The following PRKG1 variants were observed in gnomAD, a reference collection of about 807,000 sequenced individuals.
PRKG1 encodes the protein cGMP-dependent protein kinase 1.
In PRKG1, 35 loss-of-function variants were observed where a neutral mutation model predicts 88.1. The ratio of observed to expected loss-of-function variants is 0.40; its 90% CI spans 0.30 to 0.53. The LOEUF (loss-of-function observed/expected upper bound fraction) is 0.53. Ranked by LOEUF, PRKG1 falls within the 20% of genes least tolerant of loss-of-function variation. The pLI is 0.59. For missense variants in PRKG1, 540 were observed against 839.8 expected (o/e 0.64, Z 4.41); for synonymous variants, 303 against 292.5 (o/e 1.04, Z -0.37).
chr10:51,908,734 A>ATATTTTT (rs563212069), intron 5 of PRKG1: 2 of 52,222 alleles, frequency 3.8e-5, no homozygotes, highest in African/African-American at 1.2e-4. Context: ...TCTATATGTA[A>ATATTTTT]TTTTTTTTTT....
intron 5 of PRKG1, among the ~76,000 whole-genome samples, chr10:51,986,399 T>C (rs1345232896): frequency 1.3e-5 from 2 of 152,126 alleles, no homozygotes; most frequent in Non-Finnish European, 2.9e-5. Context: ...AGATAGTCAC[T>C]TCAAAAAAAA....
At chr10:51,645,862 T>C (rs1008889431) in intron 3 of PRKG1, among the ~76,000 whole-genome samples, 1 of 152,164 alleles carries the variant, frequency 6.6e-6, no homozygotes, top group Non-Finnish European at 1.5e-5. Flanking sequence ...TGAATCTGGA[T>C]ATCCACAACT....
intron 2 of PRKG1, among the ~76,000 whole-genome samples, chr10:51,280,413 GCCT>G (rs1169295906): frequency 2.6e-5 from 4 of 152,094 alleles, no homozygotes; most frequent in Admixed American, 2.6e-4. Context: ...TTGAATGTTG[GCCT>G]GCCTTGCTAG....
intron 1 of PRKG1, among the ~76,000 whole-genome samples, chr10:51,111,212 C>T (rs2131896882): frequency 6.6e-6 from 1 of 152,162 alleles, no homozygotes; most frequent in South Asian, 2.1e-4. Flanking sequence ...ACCATTAAAT[C>T]ATTTAATTAG....
intron 4 of PRKG1, among the ~76,000 whole-genome samples, 184 bp downstream of exon 4, chr10:51,804,874 A>G (rs547486787): frequency 2.4e-4 from 37 of 152,136 alleles, no homozygotes; most frequent in South Asian, 1.0e-3. Flanking sequence ...ATCTGTAGAG[A>G]TGTAAGACTT....
chr10:51,197,266 T>C (rs552825308), intron 2 of PRKG1, among the ~76,000 whole-genome samples: 18 of 152,242 alleles, frequency 1.2e-4, no homozygotes, highest in East Asian at 1.2e-3. Context: ...GTTTATATTT[T>C]ATTTATTTAT....
chr10:51,167,035 G>A (rs891163314), intron 2 of PRKG1, among the ~76,000 whole-genome samples: 4 of 152,120 alleles, frequency 2.6e-5, no homozygotes, highest in African/African-American at 9.7e-5. Context: ...GGACACTGAG[G>A]ACATTACAGT....
At chr10:51,033,721 A>G (rs1843317084) in intron 1 of PRKG1, among the ~76,000 whole-genome samples, 1 of 152,160 alleles carries the variant, frequency 6.6e-6, no homozygotes, top group Non-Finnish European at 1.5e-5. Flanking sequence ...TGTGGAAAAT[A>G]CCTGTCATCC....
intron 2 of PRKG1, among the ~76,000 whole-genome samples, chr10:51,278,218 GT>G (rs1383735613): frequency 6.6e-6 from 1 of 152,120 alleles, no homozygotes; most frequent in Non-Finnish European, 1.5e-5. Flanking sequence ...TAATCATGTG[GT>G]TTTTGTCGTT....
intron 7 of PRKG1, among the ~76,000 whole-genome samples, chr10:52,073,592 T>C (rs1846557914): frequency 2.0e-5 from 3 of 152,218 alleles, no homozygotes; most frequent in Admixed American, 6.5e-5. Flanking sequence ...TGTTCTGGCA[T>C]GAAAGAGTGG....
intron 3 of PRKG1, among the ~76,000 whole-genome samples, chr10:51,544,390 C>CT: frequency 6.6e-6 from 1 of 151,920 alleles, no homozygotes; most frequent in Non-Finnish European, 1.5e-5. Flanking sequence ...TGAACTAATC[C>CT]TTTTTTATGG....
chr10:51,079,220 T>C (rs892067483), intron 1 of PRKG1, among the ~76,000 whole-genome samples: 4 of 152,294 alleles, frequency 2.6e-5, no homozygotes, highest in Non-Finnish European at 4.4e-5. Context: ...GGTCCTACCA[T>C]CCAGGAGTGA....
intron 10 of PRKG1, among the ~76,000 whole-genome samples, chr10:52,257,078 G>A (rs1841326061): frequency 7.2e-6 from 1 of 139,266 alleles, no homozygotes; most frequent in South Asian, 2.3e-4. Context: ...TAAAGACCTG[G>A]CTCTTGGCAA....
At chr10:51,836,142 A>C (rs1048645910) in intron 4 of PRKG1, among the ~76,000 whole-genome samples, 1 of 152,220 alleles carries the variant, frequency 6.6e-6, no homozygotes, top group Non-Finnish European at 1.5e-5. Flanking sequence ...ACAAAGCTAC[A>C]GTAATCAAAA....
chr10:51,647,123 G>A (rs1480424150), intron 3 of PRKG1, among the ~76,000 whole-genome samples: 1 of 149,174 alleles, frequency 6.7e-6, no homozygotes. Context: ...CAGATTGTTG[G>A]AGAGCCAGTG....
chr10:51,763,603 CAAAA>C (rs34657565), intron 3 of PRKG1, among the ~76,000 whole-genome samples: 10 of 124,056 alleles, frequency 8.1e-5, no homozygotes, highest in Non-Finnish European at 1.2e-4. Flanking sequence ...TGATCAAATG[CAAAA>C]AAAAAAAAAA....
chr10:52,239,659 A>G (rs1442225793), intron 9 of PRKG1, among the ~76,000 whole-genome samples: 1 of 152,034 alleles, frequency 6.6e-6, no homozygotes, highest in South Asian at 2.1e-4. Context: ...CTAGATATAT[A>G]CAAGTGTAGA....
chr10:51,689,406 C>T (rs1302097841), intron 3 of PRKG1, among the ~76,000 whole-genome samples: 2 of 151,938 alleles, frequency 1.3e-5, no homozygotes, highest in Non-Finnish European at 2.9e-5. Flanking sequence ...TAGATAAAAC[C>T]AGCATAGATT....
At chr10:51,154,216 A>G (rs1297360464) in intron 2 of PRKG1, among the ~76,000 whole-genome samples, 4 of 151,950 alleles carry the variant, frequency 2.6e-5, no homozygotes, top group Admixed American at 6.6e-5. Context: ...TCACCTAACC[A>G]ATTTGTAAAA....
Sources: gnomAD v4.1 joint callset for allele counts (sites outside exome capture counted in the v4.1 genomes callset) on GRCh38, gnomAD v4.1.1 for gene constraint, MANE v1.5 for transcripts, NCBI Gene and HGNC (gene_info 2026-07-23, HGNC 2026-07-21) for gene names.